MARCHF3: variants seen among roughly 807,000 people sequenced by gnomAD.
The protein encoded by MARCHF3 is membrane associated ring-CH-type finger 3, also known as E3 ubiquitin-protein ligase MARCHF3.
A neutral mutation model predicts 24.2 loss-of-function variants in MARCHF3; 13 were observed. That is an observed-to-expected ratio of 0.54 (90% CI 0.35 to 0.85). The LOEUF (loss-of-function observed/expected upper bound fraction) is 0.85. Among genes scored for constraint, MARCHF3 ranks in the 40% least tolerant of loss-of-function variants. MARCHF3 has a pLI of 0.01. For missense variants in MARCHF3, 276 were observed against 325.0 expected, an observed-to-expected ratio of 0.85 and a Z score of 1.16; for synonymous variants, 144 against 137.3, an observed-to-expected ratio of 1.05 and a Z score of -0.34.
At chr5:127,017,301 A>T (rs934312525) in intron 1 of MARCHF3, among the ~76,000 whole-genome samples, 1 of 152,224 alleles carries the variant, frequency 6.6e-6, no homozygotes, top group Non-Finnish European at 1.5e-5. Flanking sequence ...ATTTAGTCTT[A>T]TAAGTATCTT....
rs1459566276 is a variant in MARCHF3, at chr5:126,899,194, AAGAATGAGGAGGACGGCAAAGC to A, written c.393+15714_393+15735del. Reference sequence around the variant, plus strand: ...ACGCCACAGAAACATACATTCCATGAAGAATGAGGAGGACGGCAAAGCCTGAAGACCTGACAGGGGTGTTTTC... The same window carrying A: ...ACGCCACAGAAACATACATTCCATGACTGAAGACCTGACAGGGGTGTTTTC... On this transcript the variant is annotated intron_variant, in intron 3 of 4. Coordinates refer to ENST00000308660, the MANE Select transcript of MARCHF3 (RefSeq NM_178450.5). 17 of 985,360 alleles carry A rather than the reference AAGAATGAGGAGGACGGCAAAGC, an allele frequency of 1.7e-5. No individual in the cohort carries two copies. In the African/African-American group the frequency reaches 3.0e-4, roughly 17 times the overall value. 61.0% of individuals were successfully genotyped at this position (985,360 alleles called of 1,614,324 possible).
rs528184383 is a variant in MARCHF3 at position 127,001,552 on chromosome 5, A to G, written c.-57+28798T>C. 5.9e-5 allele frequency among the ~76,000 whole-genome samples: 9 copies of G among 152,314 alleles called. No individual in the cohort carries two copies. In the South Asian group the frequency reaches 1.9e-3, roughly 32 times the overall value. On this transcript the variant is annotated intron_variant, in intron 1 of 4. Coordinates refer to ENST00000308660, the MANE Select transcript of MARCHF3 (RefSeq NM_178450.5). ...TGCTCAAGCCAAAAACTCAGGAGTC[A>G]TATTTGCTTCCCTCCCATTCCTCAC... is the stretch of plus-strand genomic sequence containing the variant.
intron 1 of MARCHF3, among the ~76,000 whole-genome samples, chr5:126,929,103 A>C (rs995357418): frequency 6.6e-6 from 1 of 152,224 alleles, no homozygotes; most frequent in Non-Finnish European, 1.5e-5. Flanking sequence ...CCTCTCAGTC[A>C]CATCGGCCTC....
At chr5:127,019,455 G>A (rs1439738361) in intron 1 of MARCHF3, among the ~76,000 whole-genome samples, 2 of 152,168 alleles carry the variant, frequency 1.3e-5, no homozygotes, top group East Asian at 1.9e-4. Flanking sequence ...ACTGACAGAC[G>A]GACATGCAAA....
chr5:126,913,616 T>G (rs1271178233), intron 3 of MARCHF3, among the ~76,000 whole-genome samples: 1 of 152,206 alleles, frequency 6.6e-6, no homozygotes, highest in Non-Finnish European at 1.5e-5. Context: ...AAGCAAAGCA[T>G]GGAGTGTATT....
chr5:127,007,880 A>G (rs1225961598), intron 1 of MARCHF3, among the ~76,000 whole-genome samples: 1 of 152,178 alleles, frequency 6.6e-6, no homozygotes. Flanking sequence ...TAATACATAT[A>G]AATATATGGG....
At chr5:126,920,868 A>G (rs60615137) in intron 1 of MARCHF3, among the ~76,000 whole-genome samples, 14,249 of 152,128 alleles carry the variant, frequency 0.094, 1,495 homozygotes, top group African/African-American at 0.26. Flanking sequence ...ACTTCTGCAT[A>G]ATTTCATTTC....
At chr5:127,027,359 A>G (rs1753031908) in intron 1 of MARCHF3, among the ~76,000 whole-genome samples, 1 of 152,178 alleles carries the variant, frequency 6.6e-6, no homozygotes. Context: ...CATTGACCTC[A>G]TATAGTCTGT....
At chr5:126,920,695 C>T (rs1370466308) in intron 1 of MARCHF3, among the ~76,000 whole-genome samples, 1 of 152,206 alleles carries the variant, frequency 6.6e-6, no homozygotes, top group Non-Finnish European at 1.5e-5. Context: ...AATTGCCTGT[C>T]GCCCAGGCAT....
chr5:126,948,514 G>A (rs112545148), intron 1 of MARCHF3, among the ~76,000 whole-genome samples: 1 of 152,116 alleles, frequency 6.6e-6, no homozygotes, highest in East Asian at 1.9e-4. Flanking sequence ...CATACTCCAC[G>A]GAGAAGCAAT....
At chr5:126,878,487 C>T in intron 3 of MARCHF3, 93 bp from the exon 4 acceptor site, 1 of 1,309,668 alleles carries the variant, frequency 7.6e-7, no homozygotes, top group South Asian at 1.4e-5. Context: ...TCTTTGCCTT[C>T]AGAACCTTGG....
chr5:126,993,752 C>A (rs1751854533), intron 1 of MARCHF3, among the ~76,000 whole-genome samples: 1 of 152,150 alleles, frequency 6.6e-6, no homozygotes, highest in African/African-American at 2.4e-5. Flanking sequence ...CTCCATTCCA[C>A]TTCTCTCCTT....
rs578012995 is a variant in MARCHF3, at chr5:126,914,173, C to T, written c.393+757G>A. Among the ~76,000 whole-genome samples the T allele has an allele frequency of 7.9e-5, 12 of 151,578 alleles. No individual in the cohort carries two copies. The East Asian group carries it at 1.4e-3, about 17-fold the overall frequency. ...TAATTTTTTGTATTTTTAGTAGAGA[C>T]GGGGTTTCACAGTGTTAGCCAGGAT... On this transcript the variant is annotated intron_variant, in intron 3 of 4. Transcript: ENST00000308660.
chr5:126,939,641 A>C (rs1282348256), intron 1 of MARCHF3, among the ~76,000 whole-genome samples: 1 of 152,232 alleles, frequency 6.6e-6, no homozygotes, highest in Non-Finnish European at 1.5e-5. Context: ...CTAAGACTTG[A>C]ATAGAAAGGA....
chr5:126,940,745 CCTAA>C (rs954611314), intron 1 of MARCHF3, among the ~76,000 whole-genome samples: 2 of 150,644 alleles, frequency 1.3e-5, no homozygotes, highest in Non-Finnish European at 2.9e-5. Flanking sequence ...CTGTGCCCGG[CCTAA>C]CTTTTTTTTT....
chr5:126,967,330 T>G lies in MARCHF3; in HGVS notation c.-56-49103A>C, dbSNP rs116945558. Among the ~76,000 whole-genome samples, 73 of 152,300 alleles carry G rather than the reference T, an allele frequency of 4.8e-4. No homozygotes were observed. In the East Asian group the frequency reaches 0.014, roughly 29 times the overall value. On this transcript the variant is annotated intron_variant, in intron 1 of 4. Transcript: ENST00000308660. ...ATTCTTGTAAAAATATGTGCGTGTC[T>G]GAACAAATGTAAAAGTAGAGAAAAC...
chr5:126,917,937 GTTCT>G, intron 2 of MARCHF3, 43 bp downstream of exon 2: 2 of 1,574,854 alleles, frequency 1.3e-6, no homozygotes, highest in Non-Finnish European at 1.7e-6. Flanking sequence ...CTGACAAAGA[GTTCT>G]CTGGATCAAT....
At chr5:126,891,457 AT>A in intron 3 of MARCHF3, among the ~76,000 whole-genome samples, 1 of 90,696 alleles carries the variant, frequency 1.1e-5, no homozygotes, top group East Asian at 5.0e-4. Flanking sequence ...TCTTGAATTG[AT>A]TTTTGTATAA....
Position 127,007,817 on chromosome 5 carries a change from T to C in MARCHF3, c.-57+22533A>G, listed in dbSNP as rs537397771. On this transcript the variant is annotated intron_variant, in intron 1 of 4. Transcript: ENST00000308660. The stretch of plus-strand genomic sequence containing the variant: ...TTCTTTTTAAGCTACTTGACCTTTT[T>C]GTTGCTGAGGGCTAGTATATTTAAA... Among the ~76,000 whole-genome samples the C allele has an allele frequency of 3.3e-5, 5 of 152,318 alleles. No individual in the cohort carries two copies. In the East Asian group the frequency reaches 9.6e-4, roughly 29 times the overall value.
Sources: allele counts gnomAD v4.1 joint callset (sites outside exome capture counted in the v4.1 genomes callset), GRCh38; gene constraint gnomAD v4.1.1; transcripts MANE v1.5; gene names NCBI Gene and HGNC (gene_info 2026-07-23, HGNC 2026-07-21).